CACNB4: variants seen among roughly 807,000 people sequenced by gnomAD.
CACNB4 encodes calcium voltage-gated channel auxiliary subunit beta 4, also known as voltage-dependent L-type calcium channel subunit beta-4.
CACNB4 carries 32 observed loss-of-function variants against 71.2 expected under a neutral mutation model. The ratio of observed to expected loss-of-function variants is 0.45; its 90% CI spans 0.34 to 0.60. The LOEUF is 0.60. Ranked by LOEUF, CACNB4 falls within the 20% of genes least tolerant of loss-of-function variation. The pLI, the probability that CACNB4 is intolerant of heterozygous loss-of-function variation, is 0.01. For synonymous variants in CACNB4, 231 were observed against 236.9 expected, an observed-to-expected ratio of 0.97 and a Z score of 0.23; for missense variants, 464 against 647.9, an observed-to-expected ratio of 0.72 and a Z score of 3.08.
At chr2:152,086,763 C>G (rs768302826) in intron 2 of CACNB4, among the ~76,000 whole-genome samples, 3 of 152,180 alleles carry the variant, frequency 2.0e-5, no homozygotes, top group African/African-American at 7.2e-5. Flanking sequence ...ATAAAAACCA[C>G]CCCCCTCTAT....
intron 12 of CACNB4, chr2:151,852,739 T>TGTATAA (rs2099839388): frequency 6.6e-6 from 1 of 152,240 alleles, no homozygotes; most frequent in South Asian, 2.1e-4. Flanking sequence ...CCTACACAAG[T>TGTATAA]GTATAAAACA....
At chr2:151,856,151 G>GTTTTT (rs59011015) in intron 10 of CACNB4, among the ~76,000 whole-genome samples, 1 of 140,866 alleles carries the variant, frequency 7.1e-6, no homozygotes, top group Non-Finnish European at 1.6e-5. Flanking sequence ...AAGCAATCCA[G>GTTTTT]TTTTTTTTTT....
At chr2:151,885,768 T>G (rs1025424261) in intron 2 of CACNB4, among the ~76,000 whole-genome samples, 4 of 152,234 alleles carry the variant, frequency 2.6e-5, no homozygotes, top group African/African-American at 9.6e-5. Context: ...CAAATTCTTC[T>G]GTGCAAATCT....
chr2:152,030,358 T>C (rs1297821478), intron 2 of CACNB4, among the ~76,000 whole-genome samples: 2 of 152,256 alleles, frequency 1.3e-5, no homozygotes, highest in African/African-American at 4.8e-5. Context: ...ATTCACTATG[T>C]ATAGATGAAA....
chr2:152,033,676 T>A (rs1414533394), intron 2 of CACNB4, among the ~76,000 whole-genome samples: 2 of 151,952 alleles, frequency 1.3e-5, no homozygotes, highest in African/African-American at 2.4e-5. Context: ...GGAAAAAAAA[T>A]TTTCTCCCCT....
At chr2:152,054,787 T>C (rs1685641081) in intron 2 of CACNB4, among the ~76,000 whole-genome samples, 1 of 152,160 alleles carries the variant, frequency 6.6e-6, no homozygotes, top group Non-Finnish European at 1.5e-5. Context: ...TGGCATGTCA[T>C]TGTGGTTTTG....
At chr2:151,880,588 G>A (rs2099847582) in intron 4 of CACNB4, 4 of 562,906 alleles carry the variant, frequency 7.1e-6, no homozygotes, top group African/African-American at 3.9e-5. Flanking sequence ...AAGGTTGACT[G>A]TGATTTAATG....
chr2:152,098,674 G>C lies in CACNB4; in HGVS notation c.64-261C>G. The C allele has an allele frequency of 6.4e-7, 1 of 1,567,998 alleles. No homozygotes were observed. The highest frequency in any genetic ancestry group is 1.4e-5 in the African/African-American group (1 of 73,806). Reference sequence around the variant, plus strand: ...TTAACAAAGACTCTCAGGGTGCGGGGTCCGAGTCCCCGGCATCCGCTGGGG... The same window carrying C: ...TTAACAAAGACTCTCAGGGTGCGGGCTCCGAGTCCCCGGCATCCGCTGGGG... On this transcript the variant is annotated intron_variant, in intron 1 of 13. Coordinates refer to ENST00000539935, the MANE Select transcript of CACNB4 (RefSeq NM_000726.5). This position sits in a 1 kb window ranked among gnomAD's most constrained non-coding sequence, Gnocchi z 5.3.
At chr2:151,940,504 T>C (rs1488417749) in intron 2 of CACNB4, among the ~76,000 whole-genome samples, 1 of 152,230 alleles carries the variant, frequency 6.6e-6, no homozygotes, top group Non-Finnish European at 1.5e-5. Context: ...CCTCATGGCT[T>C]GGGCACATCT....
chr2:152,089,674 G>A (rs1687859736), intron 2 of CACNB4, among the ~76,000 whole-genome samples: 2 of 152,002 alleles, frequency 1.3e-5, no homozygotes, highest in Admixed American at 6.6e-5. Flanking sequence ...GCTCATGCCT[G>A]TAATCCCAAC....
At chr2:151,840,444 T>C (rs1329192039) in intron 13 of CACNB4, among the ~76,000 whole-genome samples, 1 of 152,228 alleles carries the variant, frequency 6.6e-6, no homozygotes, top group Admixed American at 6.5e-5. Context: ...AAGTGCAACA[T>C]TGCATTTCTA....
intron 2 of CACNB4, chr2:151,967,723 T>C (rs911173516): frequency 2.6e-5 from 4 of 152,020 alleles, no homozygotes; most frequent in Non-Finnish European, 5.9e-5. Context: ...TAATTGACAG[T>C]TGCCAATCTC....
chr2:151,949,437 T>C (rs571315292), intron 2 of CACNB4, among the ~76,000 whole-genome samples: 2 of 152,252 alleles, frequency 1.3e-5, no homozygotes, highest in South Asian at 4.1e-4. Flanking sequence ...GAGAGGCTTC[T>C]GGCAGGATGT....
At chr2:151,844,789 T>C (rs1041361465) in intron 12 of CACNB4, among the ~76,000 whole-genome samples, 27 of 152,236 alleles carry the variant, frequency 1.8e-4, no homozygotes, top group African/African-American at 6.3e-4. Flanking sequence ...GACCAGTCTT[T>C]CCGCCATTCC....
chr2:152,096,077 T>C (rs897061657), intron 2 of CACNB4, among the ~76,000 whole-genome samples: 7 of 152,226 alleles, frequency 4.6e-5, no homozygotes, highest in Admixed American at 1.3e-4. Flanking sequence ...CCTTATCTCA[T>C]CAAAGAAATG....
At chr2:152,027,590 A>C (rs1684044610) in intron 2 of CACNB4, among the ~76,000 whole-genome samples, 1 of 152,154 alleles carries the variant, frequency 6.6e-6, no homozygotes, top group South Asian at 2.1e-4. Flanking sequence ...GCCCCAGCCC[A>C]AACCACTGAC....
chr2:152,091,008 C>T (rs1375245229), intron 2 of CACNB4, among the ~76,000 whole-genome samples: 1 of 151,306 alleles, frequency 6.6e-6, no homozygotes, highest in African/African-American at 2.4e-5. Flanking sequence ...TGGGCCACTG[C>T]ACTCCAGCCT....
At chr2:151,982,283 C>A (rs2099874850) in intron 2 of CACNB4, among the ~76,000 whole-genome samples, 1 of 152,052 alleles carries the variant, frequency 6.6e-6, no homozygotes, top group Non-Finnish European at 1.5e-5. Flanking sequence ...TGTGTTCTTG[C>A]CAATACAATA....
At chr2:151,873,496 G>C (rs191925997) in intron 5 of CACNB4, 1 of 152,270 alleles carries the variant, frequency 6.6e-6, no homozygotes, top group African/African-American at 2.4e-5. Flanking sequence ...TACCAAACAA[G>C]ATAGATAGGT....
Sources: allele counts gnomAD v4.1 joint callset (sites outside exome capture counted in the v4.1 genomes callset), GRCh38; gene constraint gnomAD v4.1.1; non-coding constraint Gnocchi (gnomAD v3.1); transcripts MANE v1.5; gene names NCBI Gene and HGNC (gene_info 2026-07-23, HGNC 2026-07-21).